SHLD1: variants seen among roughly 807,000 people sequenced by gnomAD.
SHLD1 encodes the protein shieldin complex subunit 1.
In SHLD1, 3 loss-of-function variants were observed where a neutral mutation model predicts 5.5. The ratio of observed to expected loss-of-function variants is 0.54; its 90% confidence interval spans 0.25 to 1.40. SHLD1 has a LOEUF of 1.40. SHLD1 is among the 40% of genes most tolerant of loss of function. The pLI is 0.15. For synonymous variants in SHLD1, 92 were observed against 94.3 expected (o/e 0.98, Z 0.14); for missense variants, 210 against 244.4 (o/e 0.86, Z 0.94).
At chr20:5,757,359 A>G (rs1191323257) in intron 1 of SHLD1, among the ~76,000 whole-genome samples, 1 of 151,922 alleles carries the variant, frequency 6.6e-6, no homozygotes, top group African/African-American at 2.4e-5. Context: ...GTAAGCCACT[A>G]TGCCCAGCCT....
intron 2 of SHLD1, among the ~76,000 whole-genome samples, chr20:5,805,071 A>G (rs1236082583): frequency 6.6e-6 from 1 of 152,230 alleles, no homozygotes; most frequent in Non-Finnish European, 1.5e-5. Context: ...TTGTGCCTTC[A>G]TGCTCAACTC....
chr20:5,804,163 A>T (rs923924414), intron 2 of SHLD1, among the ~76,000 whole-genome samples: 2 of 151,814 alleles, frequency 1.3e-5, no homozygotes, highest in Non-Finnish European at 2.9e-5. Flanking sequence ...ATACAAAAAA[A>T]ATTAGCTGGG....
At chr20:5,820,719 C>T (rs183648036) in intron 2 of SHLD1, among the ~76,000 whole-genome samples, 198 of 152,360 alleles carry the variant, frequency 1.3e-3, no homozygotes, top group African/African-American at 4.6e-3. Context: ...AGCCTGCTGC[C>T]ATACTGTCTC....
At chr20:5,840,625 T>C (rs2087846436) in intron 2 of SHLD1, among the ~76,000 whole-genome samples, 1 of 152,210 alleles carries the variant, frequency 6.6e-6, no homozygotes, top group Non-Finnish European at 1.5e-5. Context: ...TCCTAATTCT[T>C]TAGGTTCTTA....
chr20:5,784,662 G>A (rs1025878334), intron 2 of SHLD1, among the ~76,000 whole-genome samples: 6 of 152,052 alleles, frequency 3.9e-5, no homozygotes, highest in African/African-American at 7.2e-5. Context: ...GTGTTAGCCA[G>A]GTTGGTCTCG....
At chr20:5,805,368 G>T (rs1177312705) in intron 2 of SHLD1, among the ~76,000 whole-genome samples, 4 of 152,096 alleles carry the variant, frequency 2.6e-5, no homozygotes, top group South Asian at 2.1e-4. Flanking sequence ...TGTTGGTCAG[G>T]CTGGTCTTGA....
chr20:5,857,409 A>G (rs2088102668), intron 2 of SHLD1, among the ~76,000 whole-genome samples: 1 of 152,168 alleles, frequency 6.6e-6, no homozygotes, highest in African/African-American at 2.4e-5. Flanking sequence ...TGTGCCATGC[A>G]GGGCCCTGAA....
At chr20:5,757,558 G>C (rs1479183399) in intron 1 of SHLD1, among the ~76,000 whole-genome samples, 1 of 151,964 alleles carries the variant, frequency 6.6e-6, no homozygotes, top group East Asian at 1.9e-4. Context: ...TATCTGTTTT[G>C]GGTTTTGTCC....
At chr20:5,796,284 TA>T (rs573281525) in intron 2 of SHLD1, among the ~76,000 whole-genome samples, 30 of 152,158 alleles carry the variant, frequency 2.0e-4, no homozygotes, top group Non-Finnish European at 4.0e-4. Context: ...TTATCTAAAG[TA>T]TTTTTTTAAT....
intron 2 of SHLD1, among the ~76,000 whole-genome samples, chr20:5,857,045 A>G (rs952672652): frequency 3.3e-5 from 5 of 152,098 alleles, no homozygotes; most frequent in Non-Finnish European, 5.9e-5. Context: ...GCAGTGGTGC[A>G]ATCTCGGCTC....
chr20:5,811,515 G>C (rs73079274), intron 2 of SHLD1, among the ~76,000 whole-genome samples: 2,203 of 152,118 alleles, frequency 0.014, 22 homozygotes, highest in African/African-American at 0.024. Flanking sequence ...CCAGACTGGT[G>C]TCTTCTGGCA....
chr20:5,842,215 T>C (rs1340610760), intron 2 of SHLD1, among the ~76,000 whole-genome samples: 1 of 152,234 alleles, frequency 6.6e-6, no homozygotes, highest in Non-Finnish European at 1.5e-5. Flanking sequence ...GATGTGTCAC[T>C]AAAGGAATAG....
intron 2 of SHLD1, among the ~76,000 whole-genome samples, chr20:5,796,566 C>A (rs1255287484): frequency 6.6e-6 from 1 of 152,040 alleles, no homozygotes; most frequent in East Asian, 1.9e-4. Context: ...GTGGCTCATG[C>A]CTGTAATTCC....
At chr20:5,815,289 A>C (rs2087515003) in intron 2 of SHLD1, among the ~76,000 whole-genome samples, 1 of 152,230 alleles carries the variant, frequency 6.6e-6, no homozygotes, top group African/African-American at 2.4e-5. Flanking sequence ...CCTGGGAATC[A>C]GGATTTTGTA....
At chr20:5,805,234 C>T (rs1210541968) in intron 2 of SHLD1, among the ~76,000 whole-genome samples, 1 of 150,432 alleles carries the variant, frequency 6.6e-6, no homozygotes, top group Non-Finnish European at 1.5e-5. Context: ...CTCGGCTTGC[C>T]ACGAACTCTG....
intron 2 of SHLD1, among the ~76,000 whole-genome samples, chr20:5,791,840 C>A (rs1235516725): frequency 6.6e-6 from 1 of 152,294 alleles, no homozygotes; most frequent in Admixed American, 6.5e-5. Context: ...AATTCAGTTT[C>A]TCCACATCCT....
chr20:5,862,116 C>T (rs2088170640), intron 2 of SHLD1, among the ~76,000 whole-genome samples: 1 of 152,212 alleles, frequency 6.6e-6, no homozygotes, highest in African/African-American at 2.4e-5. Flanking sequence ...TTAATTACCT[C>T]CTAAAAAGCC....
intron 2 of SHLD1, among the ~76,000 whole-genome samples, chr20:5,860,969 C>A (rs2088155229): frequency 6.7e-6 from 1 of 150,292 alleles, no homozygotes; most frequent in East Asian, 2.0e-4. Flanking sequence ...GAAATACCAT[C>A]CCTGCTATCG....
chr20:5,774,841 C>G (rs867180811), intron 2 of SHLD1, among the ~76,000 whole-genome samples: 1 of 152,156 alleles, frequency 6.6e-6, no homozygotes, highest in Admixed American at 6.5e-5. Flanking sequence ...TATCACTGAC[C>G]AAGAATTAGA....
Sources: allele counts gnomAD v4.1 joint callset (sites outside exome capture counted in the v4.1 genomes callset), GRCh38; gene constraint gnomAD v4.1.1; transcripts MANE v1.5; gene names NCBI Gene and HGNC (gene_info 2026-07-23, HGNC 2026-07-21).